Variants in ENOX1 observed in about 807,000 individuals in gnomAD.
ENOX1 encodes the protein candidate growth-related and time keeping constitutive hydroquinone (NADH) oxidase.
Under a neutral mutation model 82.5 loss-of-function variants are expected in ENOX1, and 42 were observed. The observed-to-expected ratio is 0.51, with a 90% CI of 0.40 to 0.66. The LOEUF (loss-of-function observed/expected upper bound fraction) is 0.66. Among genes scored for constraint, ENOX1 ranks in the 30% least tolerant of loss-of-function variants. The pLI, the probability that ENOX1 is intolerant of heterozygous loss-of-function variation, is 0.00. For missense variants in ENOX1, 608 were observed against 811.6 expected, an observed-to-expected ratio of 0.75 and a Z score of 3.05; for synonymous variants, 271 against 282.2, an observed-to-expected ratio of 0.96 and a Z score of 0.40.
chr13:43,571,010 C>T (rs1189979849), intron 2 of ENOX1, among the ~76,000 whole-genome samples: 1 of 152,144 alleles, frequency 6.6e-6, no homozygotes, highest in Admixed American at 6.5e-5. Context: ...GCTTCTCATT[C>T]ACTTCTTCTT....
intron 3 of ENOX1, among the ~76,000 whole-genome samples, chr13:43,430,338 G>C (rs546962585): frequency 1.3e-5 from 2 of 152,314 alleles, no homozygotes; most frequent in Admixed American, 6.5e-5. Context: ...GCAATACCAA[G>C]ATGTAGAGGT....
chr13:43,439,445 C>T lies in ENOX1; in HGVS notation c.-74-26457G>A, dbSNP rs139135883. ...TCGAGCTCCTGACCTCGTGATCTGC[C>T]CACCTCAGCCTCGCAAAGTGCTGGG... On this transcript the variant is annotated intron_variant, in intron 3 of 16. Transcript: ENST00000690772. Among the ~76,000 whole-genome samples, 948 of 152,126 alleles carry T rather than the reference C, an allele frequency of 6.2e-3. 8 individuals carry two copies. The highest frequency in any genetic ancestry group is 0.02 in the African/African-American group (847 of 41,478).
At chr13:43,678,612 A>G (rs61428404) in intron 1 of ENOX1, among the ~76,000 whole-genome samples, 2,983 of 152,254 alleles carry the variant, frequency 0.02, 113 homozygotes, top group African/African-American at 0.069. Context: ...ACAGATTCCA[A>G]TCTAGCTGTT....
Position 43,522,550 on chromosome 13 carries a change from C to T in ENOX1, c.-218-38398G>A, listed in dbSNP as rs116542567. Reference sequence around the variant, plus strand: ...GGAGATAAGATTGGAACCAAGGTCTCGCAACGCCTTGTCTGGCACACTTCT... The same window carrying T: ...GGAGATAAGATTGGAACCAAGGTCTTGCAACGCCTTGTCTGGCACACTTCT... On this transcript the variant is annotated intron_variant, in intron 2 of 16. Coordinates refer to ENST00000690772, the MANE Select transcript of ENOX1 (RefSeq NM_001347969.2). Among the ~76,000 whole-genome samples the T allele has an allele frequency of 7.5e-3, 1,147 of 152,192 alleles. 13 individuals are homozygous for T. Among genetic ancestry groups the T allele is most frequent in the African/African-American group, 0.026 (1,070 of 41,534 alleles).
chr13:43,567,873 C>T (rs900988790), intron 2 of ENOX1, among the ~76,000 whole-genome samples: 1 of 152,164 alleles, frequency 6.6e-6, no homozygotes. Flanking sequence ...CATGCCTTTT[C>T]CTGGTTTCTT....
chr13:43,644,770 A>C (rs2083815986), intron 2 of ENOX1, among the ~76,000 whole-genome samples: 1 of 152,208 alleles, frequency 6.6e-6, no homozygotes, highest in South Asian at 2.1e-4. Flanking sequence ...GCAGAGTTGG[A>C]GTTCAATCCA....
intron 1 of ENOX1, among the ~76,000 whole-genome samples, chr13:43,706,039 C>A (rs946216972): frequency 6.6e-5 from 10 of 151,792 alleles, no homozygotes; most frequent in Non-Finnish European, 1.5e-4. Flanking sequence ...TCAGAATATT[C>A]CTTCTAAACA....
intron 2 of ENOX1, among the ~76,000 whole-genome samples, chr13:43,580,358 A>T (rs1490760726): frequency 2.0e-5 from 3 of 152,218 alleles, no homozygotes; most frequent in Non-Finnish European, 4.4e-5. Flanking sequence ...GTCGCCAACA[A>T]GTAATGTTAC....
intron 2 of ENOX1, among the ~76,000 whole-genome samples, chr13:43,519,801 C>T (rs537044387): frequency 9.2e-5 from 14 of 152,254 alleles, no homozygotes; most frequent in African/African-American, 3.4e-4. Context: ...ATGTCTTGTG[C>T]CATAAGCAAC....
chr13:43,587,952 A>AC lies in ENOX1; in HGVS notation c.-219+79526_-219+79527insG, dbSNP rs1319625789. Among the ~76,000 whole-genome samples, 9 of 1,842 alleles carry AC rather than the reference A, an allele frequency of 4.9e-3. No homozygotes were observed. The Admixed American group carries it at 0.19, about 38-fold the overall frequency. 1.2% of individuals were successfully genotyped at this position (1,842 alleles called of 152,430 possible). A position where few individuals can be genotyped will look rare whatever the true frequency, so the allele number is the denominator to read the frequency against. On this transcript the variant is annotated intron_variant, in intron 2 of 16. Coordinates refer to ENST00000690772, the MANE Select transcript of ENOX1 (RefSeq NM_001347969.2). ...TTATGGAATTCTCTTTGCATTTTCC[A>AC]AAAAAAAAAATCTATAACAGGAAAG...
chr13:43,622,913 T>C (rs1320284278), intron 2 of ENOX1, among the ~76,000 whole-genome samples: 1 of 152,100 alleles, frequency 6.6e-6, no homozygotes, highest in East Asian at 1.9e-4. Context: ...GCTCAGACTT[T>C]CCTTGGGAGG....
At chr13:43,528,241 A>G (rs1369002875) in intron 2 of ENOX1, among the ~76,000 whole-genome samples, 1 of 152,162 alleles carries the variant, frequency 6.6e-6, no homozygotes, top group East Asian at 1.9e-4. Flanking sequence ...TAAAGGGTAC[A>G]GAAGCCAACA....
intron 3 of ENOX1, among the ~76,000 whole-genome samples, chr13:43,441,079 G>A (rs2056331601): frequency 2.6e-5 from 4 of 151,990 alleles, no homozygotes; most frequent in Admixed American, 2.6e-4. Flanking sequence ...AGCCATGAAA[G>A]ACAAAAAAAG....
intron 2 of ENOX1, among the ~76,000 whole-genome samples, chr13:43,621,070 C>T (rs1433177466): frequency 2.6e-5 from 4 of 152,160 alleles, no homozygotes; most frequent in Non-Finnish European, 4.4e-5. Context: ...TACCCCAGCT[C>T]GTTTTTGGTG....
At chr13:43,349,308 T>A (rs6561120) in intron 8 of ENOX1, among the ~76,000 whole-genome samples, 1 of 152,012 alleles carries the variant, frequency 6.6e-6, no homozygotes, top group Non-Finnish European at 1.5e-5. Context: ...CAAGGCCCTC[T>A]GCAGTGAGGC....
chr13:43,620,697 C>T (rs1239850936), intron 2 of ENOX1, among the ~76,000 whole-genome samples: 4 of 152,088 alleles, frequency 2.6e-5, no homozygotes, highest in African/African-American at 9.7e-5. Context: ...GTTCCATGCA[C>T]TGTTGAATAG....
chr13:43,223,615 G>A (rs1289901685), intron 16 of ENOX1, among the ~76,000 whole-genome samples: 1 of 152,098 alleles, frequency 6.6e-6, no homozygotes, highest in Non-Finnish European at 1.5e-5. Context: ...CATTAATACA[G>A]CTTTCTTGAG....
intron 14 of ENOX1, among the ~76,000 whole-genome samples, chr13:43,261,212 A>G (rs1332440738): frequency 6.6e-6 from 1 of 152,220 alleles, no homozygotes; most frequent in Non-Finnish European, 1.5e-5. Context: ...CAGAAAAGTA[A>G]TACTAACAGA....
At chr13:43,662,322 G>A (rs563658357) in intron 2 of ENOX1, among the ~76,000 whole-genome samples, 1 of 152,270 alleles carries the variant, frequency 6.6e-6, no homozygotes, top group South Asian at 2.1e-4. Flanking sequence ...CTGCAACTGA[G>A]AAGTCTTAAA....
Sources: gnomAD v4.1 joint callset for allele counts (sites outside exome capture counted in the v4.1 genomes callset) on GRCh38, gnomAD v4.1.1 for gene constraint, MANE v1.5 for transcripts, NCBI Gene and HGNC (gene_info 2026-07-23, HGNC 2026-07-21) for gene names.